NOS1AP: variants seen among roughly 807,000 people sequenced by gnomAD.
NOS1AP encodes nitric oxide synthase 1 adaptor protein.
In NOS1AP, 21 loss-of-function variants were observed where a neutral mutation model predicts 56.2. The ratio of observed to expected loss-of-function variants is 0.37; its 90% confidence interval spans 0.26 to 0.54. The LOEUF is 0.54. Among genes scored for constraint, NOS1AP ranks in the 20% least tolerant of loss-of-function variants. The probability of loss-of-function intolerance (pLI) is 0.84; values close to 1 mark genes in which losing one functional copy is unlikely to be tolerated. For synonymous variants in NOS1AP, 270 were observed against 274.6 expected, an observed-to-expected ratio of 0.98 and a Z score of 0.17; for missense variants, 522 against 657.8, an observed-to-expected ratio of 0.79 and a Z score of 2.26.
chr1:162,305,899 T>A (rs1286061030), intron 4 of NOS1AP, among the ~76,000 whole-genome samples: 1 of 152,250 alleles, frequency 6.6e-6, no homozygotes, highest in African/African-American at 2.4e-5. Flanking sequence ...TTCTTTGTTT[T>A]TTAGCCTAAA....
chr1:162,244,826 C>T (rs1212667752), intron 2 of NOS1AP, among the ~76,000 whole-genome samples: 3 of 152,140 alleles, frequency 2.0e-5, no homozygotes, highest in African/African-American at 2.4e-5. Flanking sequence ...TAAAATTGCT[C>T]CTAGTTGAGC....
At chr1:162,227,673 G>A (rs1025560647) in intron 2 of NOS1AP, among the ~76,000 whole-genome samples, 2 of 152,200 alleles carry the variant, frequency 1.3e-5, no homozygotes, top group Non-Finnish European at 2.9e-5. Context: ...GTCCGTTCTA[G>A]AGAAAATCCT....
chr1:162,255,912 A>T (rs1319742631), intron 2 of NOS1AP, among the ~76,000 whole-genome samples: 1 of 152,204 alleles, frequency 6.6e-6, no homozygotes, highest in Non-Finnish European at 1.5e-5. Context: ...TGGGAGGCTG[A>T]GGCAGCAGAT....
intron 1 of NOS1AP, among the ~76,000 whole-genome samples, chr1:162,119,357 A>T (rs980546371): frequency 2.0e-5 from 3 of 152,242 alleles, no homozygotes; most frequent in African/African-American, 4.8e-5. Flanking sequence ...ACCTAGAAGG[A>T]TTTACTACAC....
chr1:162,313,600 A>G (rs1656122938), intron 4 of NOS1AP, among the ~76,000 whole-genome samples: 2 of 152,228 alleles, frequency 1.3e-5, no homozygotes, highest in South Asian at 4.1e-4. Context: ...CCAAATGGAA[A>G]GAAACTCCTG....
rs116266331 is a variant in NOS1AP at position 162,088,921 on chromosome 1, G to A, written c.105+18639G>A. Among the ~76,000 whole-genome samples the A allele has an allele frequency of 9.8e-3, 1,487 of 152,158 alleles. 17 individuals are homozygous for A. The highest frequency in any genetic ancestry group is 0.017 in the Non-Finnish European group (1,128 of 67,996). ...TATGAATACATACAATCTGGAGACC[G>A]ATACCTCTTTTGGTATCAGGGATTT... is the stretch of plus-strand genomic sequence containing the variant. On this transcript the variant is annotated intron_variant, in intron 1 of 9. Coordinates refer to ENST00000361897, the MANE Select transcript of NOS1AP (RefSeq NM_014697.3).
chr1:162,129,474 A>G (rs151152140), intron 1 of NOS1AP, among the ~76,000 whole-genome samples: 70 of 152,234 alleles, frequency 4.6e-4, no homozygotes, highest in African/African-American at 1.7e-3. Flanking sequence ...TTCCCTGCCT[A>G]AATATCCTTT....
intron 2 of NOS1AP, among the ~76,000 whole-genome samples, chr1:162,280,506 A>G (rs1004625483): frequency 2.0e-5 from 3 of 152,232 alleles, no homozygotes; most frequent in African/African-American, 7.2e-5. Flanking sequence ...AAAAACGCCA[A>G]CTTTTGGCCG....
At chr1:162,192,707 T>C (rs748665822) in intron 2 of NOS1AP, among the ~76,000 whole-genome samples, 1 of 152,238 alleles carries the variant, frequency 6.6e-6, no homozygotes, top group Non-Finnish European at 1.5e-5. Context: ...TATGTAAATA[T>C]AGATTTTTAA....
chr1:162,345,651 G>A (rs2101809159), intron 6 of NOS1AP, among the ~76,000 whole-genome samples: 1 of 152,334 alleles, frequency 6.6e-6, no homozygotes, highest in Middle Eastern at 3.4e-3. Flanking sequence ...TGGCAGCATT[G>A]CAAAGTGGCT....
Position 162,367,502 on chromosome 1 carries a change from G to C in NOS1AP, c.*35G>C, listed in dbSNP as rs1658139051. The C allele has an allele frequency of 6.6e-7, 1 of 1,519,042 alleles. No individual in the cohort carries two copies. Among genetic ancestry groups the C allele is most frequent in the African/African-American group, 1.4e-5 (1 of 73,098 alleles). The allele number at this position is 1,519,042 out of a possible 1,614,324, so 94.1% of individuals were successfully genotyped here. On this transcript the variant is annotated 3_prime_UTR_variant, in exon 10 of 10. Transcript: ENST00000361897. This position sits in a 1 kb window ranked among gnomAD's most constrained non-coding sequence, Gnocchi z 6.5. ...GCGAGGAGATGGAGGCGGCGGCGTG[G>C]CTGGAGGGGCCGTGTCTGGCTGCTG... is the stretch of plus-strand genomic sequence containing the variant.
intron 1 of NOS1AP, among the ~76,000 whole-genome samples, chr1:162,120,695 C>A (rs1363735147): frequency 3.3e-5 from 5 of 152,182 alleles, no homozygotes; most frequent in Admixed American, 2.0e-4. Context: ...CCGCCCCCCC[C>A]ATGATTCGAT....
intron 1 of NOS1AP, among the ~76,000 whole-genome samples, chr1:162,089,697 A>G (rs1330697759): frequency 1.3e-5 from 2 of 152,198 alleles, no homozygotes; most frequent in Non-Finnish European, 2.9e-5. Context: ...TTACACACAG[A>G]AGAGGAAAAG....
intron 3 of NOS1AP, among the ~76,000 whole-genome samples, chr1:162,294,870 C>T (rs1655403128): frequency 6.6e-6 from 1 of 152,208 alleles, no homozygotes; most frequent in African/African-American, 2.4e-5. Context: ...CAGGCACTCC[C>T]TCCCCACTCA....
intron 2 of NOS1AP, among the ~76,000 whole-genome samples, chr1:162,281,492 G>A (rs1468713927): frequency 6.6e-6 from 1 of 152,178 alleles, no homozygotes; most frequent in East Asian, 1.9e-4. Flanking sequence ...TGATAATAGA[G>A]GCTTGCATAT....
At chr1:162,322,264 C>A (rs1331760371) in intron 4 of NOS1AP, among the ~76,000 whole-genome samples, 1 of 152,098 alleles carries the variant, frequency 6.6e-6, no homozygotes, top group Admixed American at 6.5e-5. Flanking sequence ...GGAGGAAGTG[C>A]CTTCAGGTGA....
intron 2 of NOS1AP, among the ~76,000 whole-genome samples, chr1:162,225,952 G>C (rs1251823996): frequency 6.6e-6 from 1 of 152,176 alleles, no homozygotes; most frequent in Non-Finnish European, 1.5e-5. Context: ...GAATGTTATA[G>C]AGAAACGAAA....
At chr1:162,280,882 G>C (rs1654902487) in intron 2 of NOS1AP, among the ~76,000 whole-genome samples, 1 of 152,100 alleles carries the variant, frequency 6.6e-6, no homozygotes, top group South Asian at 2.1e-4. Flanking sequence ...CTTTGGTGTT[G>C]GTCATGCTGG....
At chr1:162,247,408 T>C (rs1439406458) in intron 2 of NOS1AP, among the ~76,000 whole-genome samples, 1 of 152,186 alleles carries the variant, frequency 6.6e-6, no homozygotes, top group Non-Finnish European at 1.5e-5. Flanking sequence ...AGCACCTGAA[T>C]GCCTCCTTTG....
Sources: gnomAD v4.1 joint callset for allele counts (sites outside exome capture counted in the v4.1 genomes callset) on GRCh38, gnomAD v4.1.1 for gene constraint, Gnocchi (gnomAD v3.1) non-coding constraint, MANE v1.5 for transcripts, NCBI Gene and HGNC (gene_info 2026-07-23, HGNC 2026-07-21) for gene names.